Variants in TNRC6B observed in about 807,000 individuals in gnomAD.
The protein encoded by TNRC6B is trinucleotide repeat-containing gene 6B protein.
In TNRC6B, 52 loss-of-function variants were observed where a neutral mutation model predicts 203.6. The observed-to-expected ratio is 0.26, with a 90% CI of 0.20 to 0.32. The LOEUF is 0.32. TNRC6B is among the 10% of genes least tolerant of loss of function. The pLI, the probability that TNRC6B is intolerant of heterozygous loss-of-function variation, is 1.00. For synonymous variants in TNRC6B, 838 were observed against 845.7 expected, an observed-to-expected ratio of 0.99 and a Z score of 0.16; for missense variants, 1,923 against 2,286.2, an observed-to-expected ratio of 0.84 and a Z score of 3.24.
At chr22:40,232,680 C>A (rs2146452124) in intron 1 of TNRC6B, among the ~76,000 whole-genome samples, 1 of 152,286 alleles carries the variant, frequency 6.6e-6, no homozygotes, top group East Asian at 1.9e-4. Context: ...TTGGTTATAG[C>A]TTTTGCCACA....
chr22:40,290,266 A>G (rs943190330), intron 12 of TNRC6B, among the ~76,000 whole-genome samples: 2 of 152,184 alleles, frequency 1.3e-5, no homozygotes, highest in Non-Finnish European at 2.9e-5. Context: ...CGTCTGGTTC[A>G]TAGTCACTGT....
intron 1 of TNRC6B, among the ~76,000 whole-genome samples, chr22:40,053,507 G>A (rs1388204527): frequency 6.6e-6 from 1 of 152,138 alleles, no homozygotes; most frequent in Non-Finnish European, 1.5e-5. Context: ...TAACACACAG[G>A]TGAAATGGTT....
rs962677428 is a variant in TNRC6B, at chr22:40,127,275, G to A, written c.45+1413G>A. 1.4e-4 allele frequency among the ~76,000 whole-genome samples: 21 copies of A among 152,242 alleles called. 1 individual carries two copies. The highest frequency in any genetic ancestry group is 8.5e-4 in the Admixed American group (13 of 15,290). On this transcript the variant is annotated intron_variant, in intron 3 of 23. Coordinates refer to the TNRC6B transcript ENST00000301923. Reference sequence around the variant, plus strand: ...CCTCTGCGGGGCTATGATCTAGTCCGTGGCTTGGGTGGAGGGACAGATGTC... The same window carrying A: ...CCTCTGCGGGGCTATGATCTAGTCCATGGCTTGGGTGGAGGGACAGATGTC...
chr22:40,325,071 T>C lies in TNRC6B; in HGVS notation c.*1830T>C, dbSNP rs1054652421. 1 of 152,640 alleles carries C rather than the reference T, an allele frequency of 6.6e-6. No homozygotes were observed. Among genetic ancestry groups the C allele is most frequent in the African/African-American group, 2.4e-5 (1 of 41,430 alleles). The allele number at this position is 152,640 out of a possible 1,614,324, so 9.5% of individuals were successfully genotyped here. On this transcript the variant is annotated 3_prime_UTR_variant, in exon 23 of 23. Transcript: ENST00000454349. ...GATGCCGGTGACGTGCTAGCACTTGTGTGGACATCCCAGTCTGCATTATGC... is the reference window on the plus strand; with the variant it reads ...GATGCCGGTGACGTGCTAGCACTTGCGTGGACATCCCAGTCTGCATTATGC...
intron 1 of TNRC6B, among the ~76,000 whole-genome samples, chr22:40,206,316 T>C (rs2069477349): frequency 6.6e-6 from 1 of 152,164 alleles, no homozygotes; most frequent in Non-Finnish European, 1.5e-5. Flanking sequence ...GATTCCCTGC[T>C]TAAGAATATA....
chr22:40,294,938 C>T (rs1218606641), intron 12 of TNRC6B, among the ~76,000 whole-genome samples: 4 of 152,194 alleles, frequency 2.6e-5, no homozygotes, highest in Admixed American at 2.6e-4. Flanking sequence ...CTCACGTGTG[C>T]TTGGAGTACA....
At chr22:40,287,701 T>C (rs963859712) in intron 12 of TNRC6B, among the ~76,000 whole-genome samples, 6 of 152,214 alleles carry the variant, frequency 3.9e-5, no homozygotes, top group African/African-American at 1.2e-4. Flanking sequence ...CTGACAGTCA[T>C]CCATGGTTAT....
At chr22:40,126,817 C>G (rs2068498074) in intron 3 of TNRC6B, among the ~76,000 whole-genome samples, 1 of 150,970 alleles carries the variant, frequency 6.6e-6, no homozygotes, top group Non-Finnish European at 1.5e-5. Context: ...TCTCACACTT[C>G]TGATCTCAAG....
intron 1 of TNRC6B, among the ~76,000 whole-genome samples, chr22:40,205,189 T>C (rs1399490085): frequency 6.6e-6 from 1 of 152,228 alleles, no homozygotes; most frequent in Non-Finnish European, 1.5e-5. Context: ...CAGGATCTTT[T>C]GTCTGTTGCA....
chr22:40,178,179 T>G, intron 1 of TNRC6B, 39 bp downstream of exon 1: 1 of 1,610,166 alleles, frequency 6.2e-7, no homozygotes, highest in South Asian at 1.1e-5. Flanking sequence ...CCAATTGATT[T>G]ATATGGATCT....
intron 1 of TNRC6B, among the ~76,000 whole-genome samples, chr22:40,109,400 A>G (rs1408873709): frequency 6.6e-6 from 1 of 152,178 alleles, no homozygotes; most frequent in East Asian, 1.9e-4. Flanking sequence ...ATTCCCACCA[A>G]CAGCGTAAAA....
At chr22:40,107,089 G>C in intron 1 of TNRC6B, 1 of 700,702 alleles carries the variant, frequency 1.4e-6, no homozygotes, top group South Asian at 1.7e-5. Context: ...AAAAGAGGGA[G>C]GGTATCTTTT....
chr22:40,306,656 A>G (rs959688170), intron 15 of TNRC6B, among the ~76,000 whole-genome samples: 2 of 152,176 alleles, frequency 1.3e-5, no homozygotes, highest in African/African-American at 2.4e-5. Flanking sequence ...AGGATGAAAG[A>G]AATTTAAAAA....
At chr22:40,147,755 C>T (rs971612770) in intron 3 of TNRC6B, among the ~76,000 whole-genome samples, 2 of 152,170 alleles carry the variant, frequency 1.3e-5, no homozygotes, top group African/African-American at 2.4e-5. Flanking sequence ...CAGACCATAG[C>T]AAAGACAGAC....
chr22:40,258,071 CT>C (rs56078653), intron 3 of TNRC6B, among the ~76,000 whole-genome samples: 1,377 of 28,658 alleles, frequency 0.048, 32 homozygotes, highest in African/African-American at 0.065. Context: ...GATACACAGC[CT>C]TTTTTTTTTT....
chr22:40,103,666 G>C (rs921244523), intron 1 of TNRC6B, among the ~76,000 whole-genome samples: 17 of 151,672 alleles, frequency 1.1e-4, no homozygotes, highest in Non-Finnish European at 2.5e-4. Context: ...CTTTTGAGGT[G>C]GAGTCTCACT....
At chr22:40,108,986 A>G (rs563455847) in intron 1 of TNRC6B, among the ~76,000 whole-genome samples, 37 of 119,200 alleles carry the variant, frequency 3.1e-4, no homozygotes, top group Non-Finnish European at 4.8e-4. Flanking sequence ...CCCTGTGTCC[A>G]TGTGTTCTCA....
chr22:40,120,687 T>G (rs1026480549), intron 2 of TNRC6B, among the ~76,000 whole-genome samples: 1 of 152,190 alleles, frequency 6.6e-6, no homozygotes, highest in Non-Finnish European at 1.5e-5. Context: ...TAATATTCTC[T>G]TCCCTGCTCA....
chr22:40,108,631 A>G (rs981019213), intron 1 of TNRC6B, among the ~76,000 whole-genome samples: 1 of 152,202 alleles, frequency 6.6e-6, no homozygotes, highest in African/African-American at 2.4e-5. Flanking sequence ...TGATACTGCA[A>G]AAGATTGAAT....
Sources: gnomAD v4.1 joint callset for allele counts (sites outside exome capture counted in the v4.1 genomes callset) on GRCh38, gnomAD v4.1.1 for gene constraint, MANE v1.5 for transcripts, NCBI Gene and HGNC (gene_info 2026-07-23, HGNC 2026-07-21) for gene names.